Variants in CENPT observed in about 807,000 individuals in gnomAD.
CENPT encodes interphase centromere complex protein 22.
In CENPT, 42 loss-of-function variants were observed where a neutral mutation model predicts 59.7. The ratio of observed to expected loss-of-function variants is 0.70; its 90% confidence interval spans 0.55 to 0.91. The LOEUF (loss-of-function observed/expected upper bound fraction) is 0.91, where lower values mean the gene tolerates loss of function less well. CENPT is among the 40% of genes least tolerant of loss of function. The probability of loss-of-function intolerance (pLI) is 0.00; values close to 1 mark genes in which losing one functional copy is unlikely to be tolerated. For synonymous variants in CENPT, 295 were observed against 289.6 expected (o/e 1.02, Z -0.19); for missense variants, 716 against 713.4 (o/e 1.00, Z -0.04).
chr16:67,831,338 G>T lies in CENPT; in HGVS notation c.581C>A (p.Ala194Asp). The stretch of plus-strand genomic sequence containing the variant: ...CACTGACTGTGGCTGAAGAGGTGTG[G>T]CAAAGGTCAGGTTGAGGGATCTGGT... ...SLTRSLNLTFATPLQPQSVQR... is the reference protein window; with the variant it reads ...SLTRSLNLTFDTPLQPQSVQR... The change falls in exon 10 of 16, where the codon GCC becomes GAC. Residue 194 changes from alanine to aspartate, a missense_variant. By Grantham distance (126) the Ala-to-Asp change is moderately radical (BLOSUM62 -2). Transcript: ENST00000562787. The T allele has an allele frequency of 6.2e-7, 1 of 1,614,078 alleles. No individual in the cohort carries two copies. The highest frequency in any genetic ancestry group is 8.5e-7 in the Non-Finnish European group (1 of 1,179,928).
chr16:67,828,769 C>A lies in CENPT; in HGVS notation c.1355G>T (p.Arg452Leu). ...CAGTCCAGCCTTGTGGGGATCTTGC[C>A]GGGGCCTGGGGCCGGTGGTCCGGGG... ...PRPRTTGPRP[R>L]QDPHKAGLSH... Residue 452 changes from arginine to leucine, a missense_variant, in exon 14 of 16, where the codon CGG becomes CTG. Physicochemically the swap from Arg to Leu is moderately radical, Grantham distance 102. Coordinates refer to ENST00000562787, the MANE Select transcript of CENPT (RefSeq NM_025082.4). The A allele has an allele frequency of 6.2e-7, 1 of 1,610,506 alleles. No individual in the cohort carries two copies. The highest frequency in any genetic ancestry group is 8.5e-7 in the Non-Finnish European group (1 of 1,179,096).
At position 67,843,443 on chromosome 16, in the gene CENPT, C is replaced by T; in HGVS notation, c.-492+3958G>A. 4 of 1,613,978 alleles carry T rather than the reference C, an allele frequency of 2.5e-6. No homozygotes were observed. The highest frequency in any genetic ancestry group is 3.4e-6 in the Non-Finnish European group (4 of 1,179,956). The stretch of plus-strand genomic sequence containing the variant: ...TGAGGCCAAGCTGCGCGAAGAACTG[C>T]GTGAGAAGGATCGGCTGCTTGCCAT... On this transcript the variant is annotated intron_variant, in intron 1 of 15. Coordinates refer to ENST00000562787, the MANE Select transcript of CENPT (RefSeq NM_025082.4). The surrounding 1 kb of genome is among the most constrained non-coding windows in gnomAD (Gnocchi z 5.7).
rs116311003 is a variant in CENPT at position 67,845,408 on chromosome 16, T to C, written c.-492+1993A>G. Among the ~76,000 whole-genome samples the C allele has an allele frequency of 9.3e-4, 142 of 152,184 alleles. 1 individual carries two copies. Among genetic ancestry groups the C allele is most frequent in the African/African-American group, 3.3e-3 (136 of 41,500 alleles). On this transcript the variant is annotated intron_variant, in intron 1 of 15. Coordinates refer to ENST00000562787, the MANE Select transcript of CENPT (RefSeq NM_025082.4). ...AAAGTGGTGGGGAAGGAGTGAGACATAGGTTGTGTAGGTGGCTGGTTGGGG... is the reference window on the plus strand; with the variant it reads ...AAAGTGGTGGGGAAGGAGTGAGACACAGGTTGTGTAGGTGGCTGGTTGGGG...
intron 9 of CENPT, 70 bp downstream of exon 9, chr16:67,831,506 C>G (rs1428665957): frequency 6.3e-7 from 1 of 1,591,660 alleles, no homozygotes; most frequent in Non-Finnish European, 8.6e-7. Flanking sequence ...AGATTCCATC[C>G]CAGGCAGCAC....
intron 1 of CENPT, among the ~76,000 whole-genome samples, chr16:67,846,556 C>A (rs773807647): frequency 9.9e-5 from 15 of 152,250 alleles, no homozygotes; most frequent in Non-Finnish European, 1.9e-4. Flanking sequence ...CAGGGAGGGG[C>A]AGCTGGGCCA....
At chr16:67,831,455 C>A in intron 9 of CENPT, 97 bp from the exon 10 acceptor site, 1 of 1,570,774 alleles carries the variant, frequency 6.4e-7, no homozygotes, top group Non-Finnish European at 8.7e-7. Context: ...TCTCTTAGAA[C>A]AGATGCTGTG....
chr16:67,831,448 C>G (rs1404413691), intron 9 of CENPT, 90 bp from the exon 10 acceptor site: 9 of 1,572,976 alleles, frequency 5.7e-6, no homozygotes, highest in Non-Finnish European at 7.8e-6. Flanking sequence ...GCTCTCATCT[C>G]TTAGAACAGA....
At position 67,829,826 on chromosome 16, in the gene CENPT, C is replaced by A; in HGVS notation, c.1125G>T (p.Gly375=). The A allele has an allele frequency of 1.9e-6, 3 of 1,614,262 alleles. No homozygotes were observed. Among genetic ancestry groups the A allele is most frequent in the Non-Finnish European group, 1.7e-6 (2 of 1,180,044 alleles). ...CTCCTGGCCCGTCAGCCTCAGCAGT[C>A]CCCTGGGATCCCTCTGCTTCTGTCA... ...TEVTEAEGSQ[G]TAEADGPGAS... The change falls in exon 12 of 16, where the codon GGG becomes GGT. Residue 375 remains glycine (G), a synonymous_variant. Transcript: ENST00000562787.
intron 1 of CENPT, among the ~76,000 whole-genome samples, chr16:67,837,742 T>C (rs1419098464): frequency 2.6e-5 from 4 of 152,104 alleles, no homozygotes; most frequent in African/African-American, 4.8e-5. Context: ...TGAGCTTCAT[T>C]CTTTGTACAG....
rs1448383536 is a variant in CENPT at position 67,842,159 on chromosome 16, A to T, written c.-492+5242T>A. On this transcript the variant is annotated intron_variant, in intron 1 of 15. Transcript: ENST00000562787. The surrounding 1 kb of genome is among the most constrained non-coding windows in gnomAD (Gnocchi z 4.9). ...AATACGCCTCTCTCGCCCGCCGGGG[A>T]CAAGACGGGCTGGGGAAAGAATCTG... 2 of 152,472 alleles carry T rather than the reference A, an allele frequency of 1.3e-5. No homozygotes were observed. Among genetic ancestry groups the T allele is most frequent in the South Asian group, 2.1e-4 (1 of 4,822 alleles). 9.4% of individuals were successfully genotyped at this position (152,472 alleles called of 1,614,324 possible).
At chr16:67,841,634 T>C (rs960268832) in intron 1 of CENPT, 1 of 152,232 alleles carries the variant, frequency 6.6e-6, no homozygotes, top group Admixed American at 6.5e-5. Flanking sequence ...CGCTTATCCG[T>C]CTAGGTAGTC....
chr16:67,832,639 G>A (rs549726560), intron 4 of CENPT, 94 bp from the exon 5 acceptor site: 60 of 1,159,352 alleles, frequency 5.2e-5, no homozygotes, highest in South Asian at 2.6e-4. Context: ...GTCTGGAGCC[G>A]TTTTCCCTCA....
intron 1 of CENPT, chr16:67,846,775 C>T (rs2057802577): frequency 6.6e-6 from 1 of 152,390 alleles, no homozygotes; most frequent in Non-Finnish European, 1.5e-5. Flanking sequence ...GCCTCACCTC[C>T]CGCGCTGCGG....
At position 67,828,511 on chromosome 16, in the gene CENPT, T is replaced by C. The variant is rs780675427; in HGVS notation, c.1525A>G (p.Thr509Ala). ...EVFAAHAGRK[T>A]VKPEDLELLM... ...AGCTCCAGGTCCTCTGGCTTCACAGTCTTGCGGCCAGCATGAGCAGCAAAT... is the reference window on the plus strand; with the variant it reads ...AGCTCCAGGTCCTCTGGCTTCACAGCCTTGCGGCCAGCATGAGCAGCAAAT... Residue 509 changes from threonine (T) to alanine (A), a missense_variant, in exon 15 of 16, where the codon ACT (threonine) becomes GCT (alanine). Transcript: ENST00000562787. 3.1e-6 allele frequency: 5 copies of C among 1,614,190 alleles called. No individual in the cohort carries two copies. In the Admixed American group the frequency reaches 5.0e-5, roughly 16 times the overall value.
At chr16:67,829,283 A>T in intron 13 of CENPT, 140 bp downstream of exon 13, 1 of 646,070 alleles carries the variant, frequency 1.5e-6, no homozygotes, top group South Asian at 2.4e-5. Flanking sequence ...GCTCTTGGTG[A>T]GCTCTCCCCA....
intron 1 of CENPT, among the ~76,000 whole-genome samples, chr16:67,836,368 C>T (rs1297525784): frequency 2.0e-5 from 3 of 151,984 alleles, no homozygotes; most frequent in South Asian, 2.1e-4. Flanking sequence ...CCCCAGCCTG[C>T]AGTTTTAAAT....
rs1419467723 is a variant in CENPT at position 67,842,558 on chromosome 16, C to T, written c.-492+4843G>A. On this transcript the variant is annotated intron_variant, in intron 1 of 15. Transcript: ENST00000562787. This position sits in a 1 kb window ranked among gnomAD's most constrained non-coding sequence, Gnocchi z 4.9. ...GGCCGGGCCGCGCGGCGCAGCCATG[C>T]CTGGCTTTACGTGCTGCGTGCCAGG... is the stretch of plus-strand genomic sequence containing the variant. The T allele has an allele frequency of 1.3e-6, 2 of 1,525,648 alleles. No individual in the cohort carries two copies. Among genetic ancestry groups the T allele is most frequent in the African/African-American group, 2.8e-5 (2 of 72,654 alleles). The allele number at this position is 1,525,648 out of a possible 1,614,324, so 94.5% of individuals were successfully genotyped here.
At chr16:67,830,907 G>A (rs2057680941) in intron 10 of CENPT, 1 of 518,170 alleles carries the variant, frequency 1.9e-6, no homozygotes, top group Non-Finnish European at 3.5e-6. Flanking sequence ...AGGCTCCCAG[G>A]TCAGTTTGAA....
At position 67,829,318 on chromosome 16, in the gene CENPT, G is replaced by A; in HGVS notation, c.1280+105C>T. On this transcript the variant is annotated intron_variant, in intron 13 of 15. Transcript: ENST00000562787. ...AGCCCAGCTGAAGCTGCCCTGCTGG[G>A]TAATCATCTGCATACCCGTAGGAAG... 5 of 903,718 alleles carry A rather than the reference G, an allele frequency of 5.5e-6. No homozygotes were observed. In the South Asian group the frequency reaches 7.7e-5, roughly 14 times the overall value. 56.0% of individuals were successfully genotyped at this position (903,718 alleles called of 1,614,324 possible). A position where few individuals can be genotyped will look rare whatever the true frequency, so the allele number is the denominator to read the frequency against.
Sources: gnomAD v4.1 joint callset for allele counts (sites outside exome capture counted in the v4.1 genomes callset) on GRCh38, gnomAD v4.1.1 for gene constraint, Gnocchi (gnomAD v3.1) non-coding constraint, MANE v1.5 for transcripts, NCBI Gene and HGNC (gene_info 2026-07-23, HGNC 2026-07-21) for gene names.